Variants in ATP8B1 observed in about 807,000 individuals in gnomAD.
ATP8B1 encodes the protein phospholipid-transporting ATPase IC.
Under a neutral mutation model 149.9 loss-of-function variants are expected in ATP8B1, and 80 were observed. The ratio of observed to expected loss-of-function variants is 0.53; its 90% CI spans 0.45 to 0.64. ATP8B1 has a LOEUF of 0.64. ATP8B1 is among the 30% of genes least tolerant of loss of function. The probability of loss-of-function intolerance (pLI) is 0.00; values close to 1 mark genes in which losing one functional copy is unlikely to be tolerated. For missense variants in ATP8B1, 1,247 were observed against 1,552.6 expected (o/e 0.80, Z 3.31); for synonymous variants, 536 against 562.8 (o/e 0.95, Z 0.67).
At chr18:57,674,443 G>GGCGC (rs1397495977) in intron 16 of ATP8B1, among the ~76,000 whole-genome samples, 2 of 139,718 alleles carry the variant, frequency 1.4e-5, no homozygotes, top group Non-Finnish European at 3.0e-5. Flanking sequence ...GGAATGCAGT[G>GGCGC]GCGCGATGTC....
chr18:57,685,627 T>G lies in ATP8B1; in HGVS notation c.1430-512A>C, dbSNP rs143439527. 2.9e-4 allele frequency among the ~76,000 whole-genome samples: 44 copies of G among 152,240 alleles called. No individual in the cohort carries two copies. In the East Asian group the frequency reaches 8.3e-3, roughly 29 times the overall value. ...TCTAAATGTTTCAGAAAATTAGAAC[T>G]GAAATCAACTTTTAAAACAATTGGC... On this transcript the variant is annotated intron_variant, in intron 13 of 27. Transcript: ENST00000648908.
chr18:57,670,318 C>A (rs1911145868), intron 17 of ATP8B1, among the ~76,000 whole-genome samples: 1 of 151,580 alleles, frequency 6.6e-6, no homozygotes, highest in Non-Finnish European at 1.5e-5. Context: ...CCATGATGAA[C>A]GATTCAAACA....
At chr18:57,700,098 A>G (rs755897120) in intron 6 of ATP8B1, among the ~76,000 whole-genome samples, 4 of 152,222 alleles carry the variant, frequency 2.6e-5, no homozygotes, top group Non-Finnish European at 5.9e-5. Flanking sequence ...AGTATTCAGA[A>G]TTGCCTTCCA....
intron 17 of ATP8B1, among the ~76,000 whole-genome samples, chr18:57,670,272 A>G (rs990734387): frequency 6.6e-6 from 1 of 152,220 alleles, no homozygotes; most frequent in Non-Finnish European, 1.5e-5. Flanking sequence ...AGCTGAGGTC[A>G]AAGCTTTTAA....
At chr18:57,652,415 G>A (rs976473416) in intron 25 of ATP8B1, 69 bp downstream of exon 25, 2 of 1,596,752 alleles carry the variant, frequency 1.3e-6, no homozygotes, top group African/African-American at 2.7e-5. Context: ...GGATGTGCAT[G>A]CCACCCTATA....
intron 1 of ATP8B1, among the ~76,000 whole-genome samples, chr18:57,770,457 C>T (rs1838723608): frequency 6.6e-6 from 1 of 152,246 alleles, no homozygotes; most frequent in Non-Finnish European, 1.5e-5. Flanking sequence ...AATTTAGTTA[C>T]CATCCACTTT....
In ATP8B1 at chr18:57,704,591, T is replaced by A. The variant is rs374023880; in HGVS notation, c.357A>T (p.Ala119=). 4 of 1,609,658 alleles carry A rather than the reference T, an allele frequency of 2.5e-6. No individual in the cohort carries two copies. In the African/African-American group the frequency reaches 5.3e-5, roughly 22 times the overall value. Residue 119 remains alanine (A), a synonymous_variant, in exon 4 of 28, where the codon GCA becomes GCT. Coordinates refer to ENST00000648908, the MANE Select transcript of ATP8B1 (RefSeq NM_001374385.1). The part of the protein sequence containing the change: ...PMNLFEQFKR[A]ANLYFLALLI... ...GAAGAGCCAGGAAATATAAATTGGC[T>A]GCTCTCTTAAACTGCTCAAACAGAT...
chr18:57,672,918 A>AAAACATG (rs1911322133), intron 16 of ATP8B1, among the ~76,000 whole-genome samples: 2 of 66,692 alleles, frequency 3.0e-5, no homozygotes, highest in South Asian at 5.5e-4. Flanking sequence ...ATATATATAT[A>AAAACATG]TATATATATA....
intron 17 of ATP8B1, among the ~76,000 whole-genome samples, chr18:57,670,061 T>C (rs1911132535): frequency 6.6e-6 from 1 of 152,152 alleles, no homozygotes; most frequent in African/African-American, 2.4e-5. Flanking sequence ...ACCTTTCTCA[T>C]TTTCTCATTT....
intron 11 of ATP8B1, among the ~76,000 whole-genome samples, chr18:57,693,761 C>T (rs554835399): frequency 6.6e-6 from 1 of 152,062 alleles, no homozygotes; most frequent in East Asian, 1.9e-4. Context: ...CCTAACTGTG[C>T]AAACAGCATG....
At chr18:57,773,032 A>G (rs1023282132) in intron 1 of ATP8B1, among the ~76,000 whole-genome samples, 10 of 151,734 alleles carry the variant, frequency 6.6e-5, no homozygotes, top group African/African-American at 2.2e-4. Context: ...CTACTAACAA[A>G]TCTCTACTAA....
chr18:57,697,915 C>T (rs1423485962), intron 6 of ATP8B1, 48 bp from the exon 7 acceptor site: 2 of 1,465,942 alleles, frequency 1.4e-6, no homozygotes, highest in East Asian at 4.6e-5. Flanking sequence ...AAGTTACAGG[C>T]AAGGGAATTA....
At chr18:57,708,157 C>CAAAAAAA (rs36027330) in intron 2 of ATP8B1, among the ~76,000 whole-genome samples, 10 of 67,064 alleles carry the variant, frequency 1.5e-4, no homozygotes, top group Non-Finnish European at 2.0e-4. Context: ...AACTCTGTCT[C>CAAAAAAA]AAAAAAAAAA....
intron 1 of ATP8B1, among the ~76,000 whole-genome samples, chr18:57,752,080 G>A (rs2123269121): frequency 6.6e-6 from 1 of 151,954 alleles, no homozygotes; most frequent in Middle Eastern, 3.4e-3. Flanking sequence ...TATGGTGCGT[G>A]CCTGTGGTCC....
At chr18:57,795,699 G>C (rs1226607557) in intron 1 of ATP8B1, among the ~76,000 whole-genome samples, 1 of 152,122 alleles carries the variant, frequency 6.6e-6, no homozygotes, top group Non-Finnish European at 1.5e-5. Context: ...ACAGGGACCA[G>C]GAAATAGGAA....
At chr18:57,728,721 A>ATT (rs34072920) in intron 2 of ATP8B1, among the ~76,000 whole-genome samples, 2,008 of 138,290 alleles carry the variant, frequency 0.015, 44 homozygotes, top group South Asian at 0.025. Context: ...AAGACTGAGC[A>ATT]TTTTTTTTTT....
In ATP8B1 at chr18:57,648,055, C is replaced by G; in HGVS notation, c.*433G>C. ...AGGCTGGAGTGCAGTGGCGCAATCT[C>G]GGCTCACTGTAACCTCCATCTCCCA... On this transcript the variant is annotated 3_prime_UTR_variant, in exon 28 of 28. Coordinates refer to ENST00000648908, the MANE Select transcript of ATP8B1 (RefSeq NM_001374385.1). The G allele has an allele frequency of 3.2e-6, 1 of 313,704 alleles. No homozygotes were observed. Among genetic ancestry groups the G allele is most frequent in the South Asian group, 2.8e-5 (1 of 35,368 alleles). The allele number at this position is 313,704 out of a possible 1,614,324, so 19.4% of individuals were successfully genotyped here. A position where few individuals can be genotyped will look rare whatever the true frequency, so the allele number is the denominator to read the frequency against.
intron 1 of ATP8B1, among the ~76,000 whole-genome samples, chr18:57,794,817 AAAG>A (rs2080496948): frequency 6.6e-6 from 1 of 151,534 alleles, no homozygotes; most frequent in Non-Finnish European, 1.5e-5. Context: ...AGAAAGAAAG[AAAG>A]AAAGAATGGC....
chr18:57,742,358 G>A (rs2079923165), intron 1 of ATP8B1, among the ~76,000 whole-genome samples: 1 of 152,122 alleles, frequency 6.6e-6, no homozygotes, highest in Non-Finnish European at 1.5e-5. Flanking sequence ...TTCCTCCCAA[G>A]GCAGGACCTA....
Sources: allele counts gnomAD v4.1 joint callset (sites outside exome capture counted in the v4.1 genomes callset), GRCh38; gene constraint gnomAD v4.1.1; transcripts MANE v1.5; gene names NCBI Gene and HGNC (gene_info 2026-07-23, HGNC 2026-07-21).